SSH2: variants seen among roughly 807,000 people sequenced by gnomAD.
SSH2 encodes protein phosphatase Slingshot homolog 2.
Under a neutral mutation model 135.2 loss-of-function variants are expected in SSH2, and 37 were observed. The ratio of observed to expected loss-of-function variants is 0.27; its 90% CI spans 0.21 to 0.36. SSH2 has a LOEUF of 0.36. SSH2 is among the 10% of genes least tolerant of loss of function. The pLI is 1.00. For missense variants in SSH2, 1,408 were observed against 1,765.3 expected (o/e 0.80, Z 3.63); for synonymous variants, 628 against 646.2 (o/e 0.97, Z 0.43).
intron 2 of SSH2, 29 bp downstream of exon 2, chr17:29,848,820 A>C: frequency 4.3e-6 from 6 of 1,406,194 alleles, no homozygotes; most frequent in Non-Finnish European, 5.8e-6. Flanking sequence ...GAATCACCAA[A>C]GTCTGTATAA....
chr17:29,836,971 C>T (rs984965513), intron 2 of SSH2, among the ~76,000 whole-genome samples: 1 of 152,134 alleles, frequency 6.6e-6, no homozygotes, highest in Non-Finnish European at 1.5e-5. Context: ...AAATAGACAT[C>T]TTAGGCTGGG....
chr17:29,911,676 C>T (rs533984140), intron 1 of SSH2, among the ~76,000 whole-genome samples: 1 of 152,200 alleles, frequency 6.6e-6, no homozygotes, highest in South Asian at 2.1e-4. Context: ...AACTTACCCC[C>T]AAAAAACACT....
chr17:29,636,466 A>T lies in SSH2; in HGVS notation c.1764T>A (p.Asn588Lys). ...AATTGTCAAGAGGAAATTTTGATTCATTCAGACAACACCCTGATGAGCATC... is the reference window on the plus strand; with the variant it reads ...AATTGTCAAGAGGAAATTTTGATTCTTTCAGACAACACCCTGATGAGCATC... ...INGCSSGCCL[N>K]ESKFPLDNCH... The change falls in exon 15 of 16, where the codon AAT (asparagine) becomes AAA (lysine). Residue 588 changes from asparagine to lysine, a missense_variant. Coordinates refer to ENST00000540801, the MANE Select transcript of SSH2 (RefSeq NM_001282129.2). 6.2e-7 allele frequency: 1 copy of T among 1,614,206 alleles called. No individual in the cohort carries two copies. The highest frequency in any genetic ancestry group is 8.5e-7 in the Non-Finnish European group (1 of 1,180,042).
intron 2 of SSH2, among the ~76,000 whole-genome samples, chr17:29,818,362 C>T (rs2042595506): frequency 6.6e-6 from 1 of 151,762 alleles, no homozygotes; most frequent in Admixed American, 6.6e-5. Flanking sequence ...CATTCTCCTG[C>T]CTCAGCCTCC....
chr17:29,664,860 G>C (rs1038529069), intron 11 of SSH2, among the ~76,000 whole-genome samples: 2 of 152,138 alleles, frequency 1.3e-5, no homozygotes, highest in Admixed American at 1.3e-4. Context: ...TATACCATTT[G>C]AGGAGTAGTT....
chr17:29,899,878 A>G (rs1276475347), intron 1 of SSH2, among the ~76,000 whole-genome samples: 5 of 151,740 alleles, frequency 3.3e-5, no homozygotes, highest in Admixed American at 6.6e-5. Context: ...CTGACTTCAA[A>G]CTATGCTACA....
intron 3 of SSH2, among the ~76,000 whole-genome samples, chr17:29,741,934 C>CTTTT (rs71138848): frequency 9.8e-4 from 96 of 97,854 alleles, no homozygotes; most frequent in Middle Eastern, 7.2e-3. Flanking sequence ...ATTTTTTTTT[C>CTTTT]TTTTTTTTTT....
intron 3 of SSH2, among the ~76,000 whole-genome samples, chr17:29,792,155 G>A (rs2042078892): frequency 6.6e-6 from 1 of 151,762 alleles, no homozygotes; most frequent in African/African-American, 2.4e-5. Context: ...TCAGACTCTT[G>A]GCCTACCAAA....
At chr17:29,767,629 GCACACA>G (rs35751093) in intron 3 of SSH2, among the ~76,000 whole-genome samples, 20 of 147,508 alleles carry the variant, frequency 1.4e-4, no homozygotes, top group Admixed American at 1.4e-4. Flanking sequence ...GCACACACAC[GCACACA>G]CACACACACA....
chr17:29,773,423 T>C (rs907137351), intron 3 of SSH2, among the ~76,000 whole-genome samples: 1 of 152,202 alleles, frequency 6.6e-6, no homozygotes, highest in African/African-American at 2.4e-5. Context: ...GGGAAATCTT[T>C]TGTTTTTCAG....
chr17:29,924,064 C>T (rs1032515689), intron 1 of SSH2, among the ~76,000 whole-genome samples: 2 of 152,262 alleles, frequency 1.3e-5, no homozygotes, highest in South Asian at 2.1e-4. Context: ...TGGCACATGT[C>T]TTTTTTTATC....
At chr17:29,843,658 C>T (rs1391927682) in intron 2 of SSH2, among the ~76,000 whole-genome samples, 2 of 152,076 alleles carry the variant, frequency 1.3e-5, no homozygotes, top group African/African-American at 4.8e-5. Context: ...CACTACATTC[C>T]AAAACTTAAA....
At chr17:29,798,168 C>T (rs1483796548) in intron 2 of SSH2, among the ~76,000 whole-genome samples, 1 of 152,038 alleles carries the variant, frequency 6.6e-6, no homozygotes, top group Non-Finnish European at 1.5e-5. Context: ...TGAACATATT[C>T]TATCATTTTT....
chr17:29,799,766 A>G (rs1473133256), intron 2 of SSH2, among the ~76,000 whole-genome samples: 1 of 152,168 alleles, frequency 6.6e-6, no homozygotes, highest in Non-Finnish European at 1.5e-5. Context: ...GGTGAACTAC[A>G]TTTATTGAGT....
At chr17:29,854,176 A>G (rs2065618266) in intron 1 of SSH2, among the ~76,000 whole-genome samples, 1 of 151,858 alleles carries the variant, frequency 6.6e-6, no homozygotes, top group Admixed American at 6.6e-5. Flanking sequence ...TAAAGACAAA[A>G]TCATATTCCC....
At chr17:29,672,867 G>C (rs1346568209) in intron 8 of SSH2, among the ~76,000 whole-genome samples, 1 of 151,932 alleles carries the variant, frequency 6.6e-6, no homozygotes, top group African/African-American at 2.4e-5. Flanking sequence ...CCACTACACC[G>C]GGCTGATTTT....
chr17:29,750,274 C>T (rs2040887493), intron 3 of SSH2, among the ~76,000 whole-genome samples: 1 of 150,598 alleles, frequency 6.6e-6, no homozygotes, highest in Non-Finnish European at 1.5e-5. Context: ...CCCATCTCTA[C>T]CACAAAATAT....
chr17:29,637,707 A>T (rs2150973738), intron 14 of SSH2, among the ~76,000 whole-genome samples: 1 of 152,060 alleles, frequency 6.6e-6, no homozygotes, highest in Non-Finnish European at 1.5e-5. Flanking sequence ...GCTTGAACCC[A>T]GGAGGGTGAG....
intron 9 of SSH2, 95 bp downstream of exon 9, chr17:29,671,840 C>G: frequency 9.4e-7 from 1 of 1,068,564 alleles, no homozygotes. Context: ...GTAAGATTAA[C>G]TCCCCAAGAG....
Sources: gnomAD v4.1 joint callset for allele counts (sites outside exome capture counted in the v4.1 genomes callset) on GRCh38, gnomAD v4.1.1 for gene constraint, MANE v1.5 for transcripts, NCBI Gene and HGNC (gene_info 2026-07-23, HGNC 2026-07-21) for gene names.